NDUFAF2: variants seen among roughly 807,000 people sequenced by gnomAD.
The protein encoded by NDUFAF2 is NADH dehydrogenase [ubiquinone] 1 alpha subcomplex assembly factor 2.
Under a neutral mutation model 22.8 loss-of-function variants are expected in NDUFAF2, and 13 were observed. That is an observed-to-expected ratio of 0.57 (90% CI 0.37 to 0.91). The LOEUF (loss-of-function observed/expected upper bound fraction) is 0.91, where lower values mean the gene tolerates loss of function less well. Among genes scored for constraint, NDUFAF2 ranks in the 40% least tolerant of loss-of-function variants. The pLI is 0.01. For synonymous variants in NDUFAF2, 53 were observed against 64.2 expected, an observed-to-expected ratio of 0.83 and a Z score of 0.84; for missense variants, 162 against 195.2, an observed-to-expected ratio of 0.83 and a Z score of 1.01.
intron 2 of NDUFAF2, among the ~76,000 whole-genome samples, chr5:61,075,381 G>A (rs1233160139): frequency 1.3e-5 from 2 of 151,450 alleles, no homozygotes; most frequent in Non-Finnish European, 2.9e-5. Context: ...AAGGTTTTTT[G>A]AAGAAATACA....
intron 2 of NDUFAF2, among the ~76,000 whole-genome samples, chr5:61,079,725 G>C (rs1390368502): frequency 6.6e-6 from 1 of 152,118 alleles, no homozygotes; most frequent in Non-Finnish European, 1.5e-5. Flanking sequence ...TTCTTTCCTT[G>C]ATGGGGCCCT....
intron 3 of NDUFAF2, among the ~76,000 whole-genome samples, chr5:61,111,660 C>T (rs998771522): frequency 6.6e-6 from 1 of 151,958 alleles, no homozygotes; most frequent in Non-Finnish European, 1.5e-5. Context: ...ACTCTGTTGC[C>T]CAGGCTGGAG....
chr5:61,096,075 A>G lies in NDUFAF2; in HGVS notation c.218-2917A>G, dbSNP rs143609759. 1.6e-4 allele frequency among the ~76,000 whole-genome samples: 25 copies of G among 152,294 alleles called. No homozygotes were observed. The East Asian group carries it at 4.1e-3, about 25-fold the overall frequency. Reference sequence around the variant, plus strand: ...CAAAGTCACTTATTTCCTTGACTACACAAAGGAATTGTGGTATTGCTAAGC... The same window carrying G: ...CAAAGTCACTTATTTCCTTGACTACGCAAAGGAATTGTGGTATTGCTAAGC... On this transcript the variant is annotated intron_variant, in intron 2 of 3. Coordinates refer to ENST00000296597, the MANE Select transcript of NDUFAF2 (RefSeq NM_174889.5).
At chr5:61,103,087 C>A (rs1752721984) in intron 3 of NDUFAF2, among the ~76,000 whole-genome samples, 1 of 152,108 alleles carries the variant, frequency 6.6e-6, no homozygotes, top group Non-Finnish European at 1.5e-5. Context: ...AACAGTAATT[C>A]TCCCGGCCAC....
At chr5:61,007,070 T>A (rs1751376679) in intron 1 of NDUFAF2, among the ~76,000 whole-genome samples, 1 of 152,154 alleles carries the variant, frequency 6.6e-6, no homozygotes, top group Admixed American at 6.6e-5. Context: ...GTAGATTGCC[T>A]GTTCATTCTG....
At chr5:61,082,217 T>G (rs982764291) in intron 2 of NDUFAF2, among the ~76,000 whole-genome samples, 1 of 152,164 alleles carries the variant, frequency 6.6e-6, no homozygotes, top group Non-Finnish European at 1.5e-5. Context: ...ATTGTGCAAA[T>G]AAAATTCATC....
In NDUFAF2 at chr5:61,099,711, A is replaced by G. The variant is rs76080117; in HGVS notation, c.258+679A>G. On this transcript the variant is annotated intron_variant, in intron 3 of 3. Transcript: ENST00000296597. ...CCTCTAAAGTTATTTTATAAGAAGTAATTTCATAAAAGGAGAGTCTCTAAA... is the reference window on the plus strand; with the variant it reads ...CCTCTAAAGTTATTTTATAAGAAGTGATTTCATAAAAGGAGAGTCTCTAAA... Among the ~76,000 whole-genome samples the G allele has an allele frequency of 5.7e-4, 87 of 152,224 alleles. 4 individuals carry two copies. In the East Asian group the frequency reaches 0.015, roughly 26 times the overall value.
At chr5:61,014,365 G>A (rs971514824) in intron 1 of NDUFAF2, among the ~76,000 whole-genome samples, 7 of 152,192 alleles carry the variant, frequency 4.6e-5, no homozygotes, top group Non-Finnish European at 8.8e-5. Flanking sequence ...GGGGACAGAA[G>A]TTCTTGTGCT....
At chr5:60,959,177 A>C (rs158563) in intron 1 of NDUFAF2, among the ~76,000 whole-genome samples, 22,540 of 152,062 alleles carry the variant, frequency 0.15, 2,124 homozygotes, top group South Asian at 0.28. Context: ...TTTAGTAGCT[A>C]TTGGAAGATC....
At chr5:60,999,149 T>C (rs891078985) in intron 1 of NDUFAF2, among the ~76,000 whole-genome samples, 1 of 151,994 alleles carries the variant, frequency 6.6e-6, no homozygotes, top group African/African-American at 2.4e-5. Context: ...GTCTTCCCAC[T>C]AGATATTGAT....
intron 1 of NDUFAF2, among the ~76,000 whole-genome samples, chr5:61,067,773 C>A (rs1314255416): frequency 6.6e-6 from 1 of 152,084 alleles, no homozygotes; most frequent in Non-Finnish European, 1.5e-5. Context: ...TACAGTCCCA[C>A]CAACAGTGTA....
intron 1 of NDUFAF2, among the ~76,000 whole-genome samples, chr5:60,994,013 G>A (rs1466161361): frequency 6.6e-6 from 1 of 152,230 alleles, no homozygotes; most frequent in Non-Finnish European, 1.5e-5. Flanking sequence ...TCATGCCAAG[G>A]GGCGCCTGCA....
In NDUFAF2 at chr5:60,971,227, T is replaced by C. The variant is rs192814718; in HGVS notation, c.127+25845T>C. Among the ~76,000 whole-genome samples the C allele has an allele frequency of 6.1e-4, 93 of 152,024 alleles. 3 individuals carry two copies. In the East Asian group the frequency reaches 0.018, roughly 29 times the overall value. On this transcript the variant is annotated intron_variant, in intron 1 of 3. Coordinates refer to ENST00000296597, the MANE Select transcript of NDUFAF2 (RefSeq NM_174889.5). ...GTTACATATGTATACATGTGCCATGTTGGTGTGCTGCACCCATTAACTTGT... is the reference window on the plus strand; with the variant it reads ...GTTACATATGTATACATGTGCCATGCTGGTGTGCTGCACCCATTAACTTGT...
rs186480811 is a variant in NDUFAF2 at position 61,111,559 on chromosome 5, C to T, written c.258+12527C>T. 6.4e-3 allele frequency among the ~76,000 whole-genome samples: 972 copies of T among 152,236 alleles called. 1 individual carries two copies. Among genetic ancestry groups the T allele is most frequent in the Non-Finnish European group, 0.011 (731 of 68,012 alleles). ...TTAAGCGATCCTCCCACCTCAGCCC[C>T]CCAAGTAGCTGGGACCACAGGTGCT... is the stretch of plus-strand genomic sequence containing the variant. On this transcript the variant is annotated intron_variant, in intron 3 of 3. Transcript: ENST00000296597.
chr5:61,006,531 G>A (rs112939694), intron 1 of NDUFAF2, among the ~76,000 whole-genome samples: 3,653 of 152,196 alleles, frequency 0.024, 61 homozygotes, highest in Non-Finnish European at 0.037. Flanking sequence ...ATTACCTTGG[G>A]CAGTGTGGCC....
chr5:61,016,482 G>A (rs1751512816), intron 1 of NDUFAF2, among the ~76,000 whole-genome samples: 1 of 152,094 alleles, frequency 6.6e-6, no homozygotes, highest in African/African-American at 2.4e-5. Context: ...CATGAAAGCT[G>A]GTAAATAACT....
intron 1 of NDUFAF2, among the ~76,000 whole-genome samples, chr5:60,979,586 A>G (rs1195761943): frequency 2.0e-5 from 3 of 152,114 alleles, no homozygotes; most frequent in African/African-American, 4.8e-5. Flanking sequence ...ACTTGAGGAA[A>G]AGGGAGAGAA....
intron 1 of NDUFAF2, among the ~76,000 whole-genome samples, chr5:61,008,599 A>C (rs1424169531): frequency 6.6e-6 from 1 of 152,088 alleles, no homozygotes; most frequent in Non-Finnish European, 1.5e-5. Flanking sequence ...ACCTATCTTG[A>C]TGCATTGTGA....
chr5:61,004,389 A>G (rs965759286), intron 1 of NDUFAF2, among the ~76,000 whole-genome samples: 3 of 152,094 alleles, frequency 2.0e-5, no homozygotes, highest in South Asian at 4.1e-4. Flanking sequence ...TAATAATACA[A>G]GAGTCTGATA....
Sources: gnomAD v4.1 joint callset for allele counts (sites outside exome capture counted in the v4.1 genomes callset) on GRCh38, gnomAD v4.1.1 for gene constraint, MANE v1.5 for transcripts, NCBI Gene and HGNC (gene_info 2026-07-23, HGNC 2026-07-21) for gene names.